Variants in ADGRB3 observed in about 807,000 individuals in gnomAD.
The protein encoded by ADGRB3 is adhesion G protein-coupled receptor B3.
In ADGRB3, 37 loss-of-function variants were observed where a neutral mutation model predicts 193.4. That is an observed-to-expected ratio of 0.19 (90% CI 0.15 to 0.25). The LOEUF (loss-of-function observed/expected upper bound fraction) is 0.25. Among genes scored for constraint, ADGRB3 ranks in the 10% least tolerant of loss-of-function variants. The pLI is 1.00. For missense variants in ADGRB3, 1,637 were observed against 1,852.9 expected (o/e 0.88, Z 2.14); for synonymous variants, 690 against 644.2 (o/e 1.07, Z -1.08).
At chr6:68,948,485 A>C (rs929919800) in intron 6 of ADGRB3, among the ~76,000 whole-genome samples, 4 of 152,228 alleles carry the variant, frequency 2.6e-5, no homozygotes, top group East Asian at 1.9e-4. Context: ...AATTATATAG[A>C]TATATATACC....
Position 68,866,063 on chromosome 6 carries a change from G to C in ADGRB3, c.758-64496G>C, listed in dbSNP as rs1765290036. 3.9e-5 allele frequency among the ~76,000 whole-genome samples: 6 copies of C among 152,256 alleles called. No homozygotes were observed. The South Asian group carries it at 1.2e-3, about 32-fold the overall frequency. On this transcript the variant is annotated intron_variant, in intron 3 of 31. Coordinates refer to ENST00000370598, the MANE Select transcript of ADGRB3 (RefSeq NM_001704.3). ...GAGGGATCTGATCCCAATTATGGGTGCCTCACTTCAGAAGGTGGGTTACTT... is the reference window on the plus strand; with the variant it reads ...GAGGGATCTGATCCCAATTATGGGTCCCTCACTTCAGAAGGTGGGTTACTT...
intron 3 of ADGRB3, among the ~76,000 whole-genome samples, chr6:68,869,803 C>T (rs1474440950): frequency 1.3e-5 from 2 of 152,044 alleles, no homozygotes; most frequent in African/African-American, 4.8e-5. Context: ...CAGAGTCTCA[C>T]TCGCTCACTC....
chr6:68,941,617 A>G (rs1213015198), intron 5 of ADGRB3, among the ~76,000 whole-genome samples: 1 of 152,068 alleles, frequency 6.6e-6, no homozygotes, highest in Admixed American at 6.5e-5. Context: ...AATTTTACAT[A>G]GCATCATTAA....
At chr6:68,701,071 A>T (rs1264734861) in intron 3 of ADGRB3, among the ~76,000 whole-genome samples, 1 of 152,184 alleles carries the variant, frequency 6.6e-6, no homozygotes, top group Non-Finnish European at 1.5e-5. Context: ...CCTAATGAAT[A>T]TCTTTGATTC....
chr6:68,732,691 C>A (rs1765796101), intron 3 of ADGRB3, among the ~76,000 whole-genome samples: 1 of 151,924 alleles, frequency 6.6e-6, no homozygotes, highest in Non-Finnish European at 1.5e-5. Flanking sequence ...CGTGAGACTC[C>A]ACCCTCACTG....
chr6:69,050,816 T>A (rs1004145523), intron 15 of ADGRB3, among the ~76,000 whole-genome samples: 6 of 152,162 alleles, frequency 3.9e-5, no homozygotes. Context: ...AACTTTAAAA[T>A]AGAAATGTAT....
chr6:69,162,691 T>C (rs993568493), intron 17 of ADGRB3, among the ~76,000 whole-genome samples: 2 of 152,070 alleles, frequency 1.3e-5, no homozygotes, highest in African/African-American at 4.8e-5. Context: ...TTTTATAAAA[T>C]GAGTGAAAAT....
Position 69,324,983 on chromosome 6 carries a change from A to G in ADGRB3, c.2926A>G (p.Thr976Ala). The G allele has an allele frequency of 1.2e-6, 2 of 1,613,900 alleles. No individual in the cohort carries two copies. The highest frequency in any genetic ancestry group is 1.7e-6 in the Non-Finnish European group (2 of 1,179,864). The change falls in exon 21 of 32, where the codon ACA becomes GCA. Residue 976 changes from threonine (T) to alanine (A), a missense_variant. Thr to Ala is a moderately conservative substitution (Grantham distance 58). Coordinates refer to ENST00000370598, the MANE Select transcript of ADGRB3 (RefSeq NM_001704.3). ...SYMAVTGKIRTRLIRKRFLCL... is the reference protein window; with the variant it reads ...SYMAVTGKIRARLIRKRFLCL... ...TATGGCTGTAACTGGAAAAATTAGG[A>G]CACGGCTTATAAGAAAACGCTTTTT...
At chr6:69,196,409 C>A (rs139486062) in intron 17 of ADGRB3, among the ~76,000 whole-genome samples, 335 of 152,198 alleles carry the variant, frequency 2.2e-3, no homozygotes, top group African/African-American at 7.6e-3. Context: ...AATTTTTTCA[C>A]ACTTCCGCAG....
chr6:68,650,167 A>C (rs1768328024), intron 3 of ADGRB3, among the ~76,000 whole-genome samples: 1 of 152,180 alleles, frequency 6.6e-6, no homozygotes, highest in Non-Finnish European at 1.5e-5. Flanking sequence ...AATGTACTAA[A>C]GGTCTTATGT....
At chr6:68,658,736 G>A (rs190432264) in intron 3 of ADGRB3, among the ~76,000 whole-genome samples, 29 of 151,214 alleles carry the variant, frequency 1.9e-4, no homozygotes, top group Non-Finnish European at 3.0e-4. Context: ...AAATGTCTTA[G>A]GTTACAGGGG....
chr6:69,369,926 G>A (rs1440120860), intron 29 of ADGRB3, among the ~76,000 whole-genome samples: 1 of 151,992 alleles, frequency 6.6e-6, no homozygotes, highest in Non-Finnish European at 1.5e-5. Flanking sequence ...CTTGCTTTAT[G>A]CTTAGAAAGT....
intron 13 of ADGRB3, among the ~76,000 whole-genome samples, chr6:69,025,879 G>C (rs1770418203): frequency 6.6e-6 from 1 of 152,128 alleles, no homozygotes; most frequent in African/African-American, 2.4e-5. Flanking sequence ...GAAGCACTGG[G>C]GAGGGTGACA....
At chr6:68,790,555 C>T (rs2127366306) in intron 3 of ADGRB3, among the ~76,000 whole-genome samples, 1 of 152,270 alleles carries the variant, frequency 6.6e-6, no homozygotes, top group South Asian at 2.1e-4. Flanking sequence ...GGCAGACTGA[C>T]ACCTCACATG....
intron 17 of ADGRB3, among the ~76,000 whole-genome samples, chr6:69,129,532 T>G (rs1042984120): frequency 6.6e-6 from 1 of 152,104 alleles, no homozygotes; most frequent in Non-Finnish European, 1.5e-5. Flanking sequence ...AGAAAAGTCA[T>G]AAGAAAACAT....
chr6:68,869,165 A>C (rs945809165), intron 3 of ADGRB3, among the ~76,000 whole-genome samples: 1 of 152,148 alleles, frequency 6.6e-6, no homozygotes, highest in Non-Finnish European at 1.5e-5. Flanking sequence ...ATTATTCTGC[A>C]TTTATCACTG....
intron 3 of ADGRB3, among the ~76,000 whole-genome samples, chr6:68,881,194 A>G (rs1765720038): frequency 6.6e-6 from 1 of 151,224 alleles, no homozygotes; most frequent in African/African-American, 2.4e-5. Context: ...TTTTTCAAAT[A>G]AATACTATAC....
chr6:68,928,418 C>G (rs1447016312), intron 3 of ADGRB3, among the ~76,000 whole-genome samples: 1 of 152,084 alleles, frequency 6.6e-6, no homozygotes, highest in Admixed American at 6.6e-5. Context: ...GTTGTCTTAG[C>G]TACTTGGGAG....
intron 13 of ADGRB3, among the ~76,000 whole-genome samples, chr6:69,030,433 C>A (rs1431214716): frequency 6.6e-6 from 1 of 152,056 alleles, no homozygotes; most frequent in Admixed American, 6.5e-5. Context: ...TACTGTGCAG[C>A]CATAAAAAAG....
Sources: allele counts gnomAD v4.1 joint callset (sites outside exome capture counted in the v4.1 genomes callset), GRCh38; gene constraint gnomAD v4.1.1; transcripts MANE v1.5; gene names NCBI Gene and HGNC (gene_info 2026-07-23, HGNC 2026-07-21).